Variants in COL19A1 observed in about 807,000 individuals in gnomAD.
COL19A1 encodes collagen type XIX alpha 1 chain.
A neutral mutation model predicts 190.2 loss-of-function variants in COL19A1; 159 were observed. The ratio of observed to expected loss-of-function variants is 0.84; its 90% confidence interval spans 0.73 to 0.95. The LOEUF (loss-of-function observed/expected upper bound fraction) is 0.95. Ranked by LOEUF, COL19A1 falls within the 40% of genes least tolerant of loss-of-function variation. The probability of loss-of-function intolerance (pLI) is 0.00; values close to 1 mark genes in which losing one functional copy is unlikely to be tolerated. For missense variants in COL19A1, 1,418 were observed against 1,431.9 expected, an observed-to-expected ratio of 0.99 and a Z score of 0.16; for synonymous variants, 509 against 458.9, an observed-to-expected ratio of 1.11 and a Z score of -1.39.
chr6:69,877,941 G>A (rs930624187), intron 1 of COL19A1, among the ~76,000 whole-genome samples: 13 of 152,172 alleles, frequency 8.5e-5, no homozygotes, highest in Middle Eastern at 3.4e-3. Flanking sequence ...GACCTGGGAA[G>A]TGGAGGTTGC....
At chr6:69,961,446 A>G (rs758752391) in intron 10 of COL19A1, among the ~76,000 whole-genome samples, 30 of 152,212 alleles carry the variant, frequency 2.0e-4, no homozygotes, top group Non-Finnish European at 4.0e-4. Context: ...GCTGGGAAAT[A>G]GTTTTGGACT....
intron 40 of COL19A1, among the ~76,000 whole-genome samples, chr6:70,170,269 T>C (rs1765418962): frequency 6.6e-6 from 1 of 151,942 alleles, no homozygotes; most frequent in East Asian, 1.9e-4. Context: ...CCACCAGCTG[T>C]CCTGTAGGGA....
intron 11 of COL19A1, among the ~76,000 whole-genome samples, chr6:69,965,514 C>T (rs1040677756): frequency 6.6e-6 from 1 of 152,156 alleles, no homozygotes; most frequent in Non-Finnish European, 1.5e-5. Context: ...CTCCTTAGTC[C>T]TGAGAAAAAC....
chr6:70,132,954 C>T lies in COL19A1; in HGVS notation c.1383+2731C>T, dbSNP rs557355013. Among the ~76,000 whole-genome samples, 11 of 152,304 alleles carry T rather than the reference C, an allele frequency of 7.2e-5. No homozygotes were observed. The East Asian group carries it at 1.9e-3, about 27-fold the overall frequency. On this transcript the variant is annotated intron_variant, in intron 18 of 50. Coordinates refer to ENST00000620364, the MANE Select transcript of COL19A1 (RefSeq NM_001858.6). ...ATTAAAATTAAATAAGAGGAAGTTA[C>T]TCAAAAGCGCAATAACTAAAACACA...
At chr6:70,192,201 C>T (rs1766916762) in intron 48 of COL19A1, among the ~76,000 whole-genome samples, 1 of 152,130 alleles carries the variant, frequency 6.6e-6, no homozygotes, top group Admixed American at 6.5e-5. Context: ...GCTGGGATTA[C>T]AGGCACCCAC....
chr6:70,169,574 T>C (rs1420017999), intron 40 of COL19A1, among the ~76,000 whole-genome samples: 1 of 152,138 alleles, frequency 6.6e-6, no homozygotes, highest in African/African-American at 2.4e-5. Flanking sequence ...TTTAAAGAGA[T>C]GCATTAAAGA....
At chr6:70,130,733 G>T (rs1785470874) in intron 18 of COL19A1, among the ~76,000 whole-genome samples, 1 of 152,262 alleles carries the variant, frequency 6.6e-6, no homozygotes, top group Non-Finnish European at 1.5e-5. Context: ...CTGAGTAGCA[G>T]TTGGCTATAA....
In COL19A1 at chr6:70,034,347, A is replaced by G. The variant is rs754763294; in HGVS notation, c.1134+49A>G. On this transcript the variant is annotated intron_variant, in intron 13 of 50. Coordinates refer to ENST00000620364, the MANE Select transcript of COL19A1 (RefSeq NM_001858.6). Reference sequence around the variant, plus strand: ...CCAACCTTTCTTTAAGAAAACTCTGACAACCTATGCAGTGACTTCTCATTG... The same window carrying G: ...CCAACCTTTCTTTAAGAAAACTCTGGCAACCTATGCAGTGACTTCTCATTG... 8 of 1,405,642 alleles carry G rather than the reference A, an allele frequency of 5.7e-6. No individual in the cohort carries two copies. The South Asian group carries it at 9.2e-5, about 16-fold the overall frequency. The allele number at this position is 1,405,642 out of a possible 1,614,324, so 87.1% of individuals were successfully genotyped here.
intron 18 of COL19A1, among the ~76,000 whole-genome samples, chr6:70,130,634 G>A (rs1452952413): frequency 6.6e-6 from 1 of 152,184 alleles, no homozygotes; most frequent in Non-Finnish European, 1.5e-5. Flanking sequence ...TCTCTGGGAG[G>A]GTGTCCAGCC....
intron 1 of COL19A1, among the ~76,000 whole-genome samples, chr6:69,867,131 C>T (rs1024741948): frequency 3.2e-4 from 47 of 148,550 alleles, no homozygotes; most frequent in Admixed American, 4.0e-4. Flanking sequence ...GCCCTGGAAG[C>T]GAGGCAGCCA....
chr6:69,955,400 C>G (rs1774350637), intron 9 of COL19A1, among the ~76,000 whole-genome samples: 1 of 151,892 alleles, frequency 6.6e-6, no homozygotes, highest in African/African-American at 2.4e-5. Flanking sequence ...AAATAACATC[C>G]CTTTGACAGG....
intron 9 of COL19A1, 24 bp downstream of exon 9, chr6:69,938,124 G>T: frequency 6.2e-7 from 1 of 1,603,950 alleles, no homozygotes; most frequent in Non-Finnish European, 8.5e-7. Flanking sequence ...AAATACTGAT[G>T]GAGAAAACAG....
chr6:69,973,230 C>T (rs1401314137), intron 11 of COL19A1, among the ~76,000 whole-genome samples: 2 of 152,170 alleles, frequency 1.3e-5, no homozygotes. Context: ...GGCTCTGGAG[C>T]TGCCTCAGGT....
chr6:70,161,108 G>C (rs1787772397), intron 34 of COL19A1, among the ~76,000 whole-genome samples: 1 of 152,114 alleles, frequency 6.6e-6, no homozygotes, highest in African/African-American at 2.4e-5. Context: ...CAAATCTAAG[G>C]AGGGGAGGGA....
chr6:69,976,882 C>T (rs1189844574), intron 11 of COL19A1, among the ~76,000 whole-genome samples: 3 of 152,172 alleles, frequency 2.0e-5, no homozygotes, highest in Non-Finnish European at 4.4e-5. Flanking sequence ...TCATGTTTAG[C>T]TCACTCTTCC....
intron 4 of COL19A1, among the ~76,000 whole-genome samples, chr6:69,922,625 C>T (rs757978275): frequency 4.6e-5 from 7 of 151,776 alleles, no homozygotes; most frequent in Middle Eastern, 3.4e-3. Flanking sequence ...GGATTACAGG[C>T]GCGTGCCACC....
At chr6:69,952,173 G>A (rs750944516) in intron 9 of COL19A1, among the ~76,000 whole-genome samples, 8 of 151,788 alleles carry the variant, frequency 5.3e-5, no homozygotes, top group Non-Finnish European at 8.8e-5. Context: ...TATGCATATG[G>A]TTTTTCACCA....
chr6:70,207,362 T>C lies in COL19A1; in HGVS notation c.*88T>C, dbSNP rs1441496339. The C allele has an allele frequency of 2.6e-6, 2 of 767,986 alleles. No homozygotes were observed. Among genetic ancestry groups the C allele is most frequent in the Admixed American group, 8.6e-5 (2 of 23,384 alleles). The allele number at this position is 767,986 out of a possible 1,614,324, so 47.6% of individuals were successfully genotyped here. Reference sequence around the variant, plus strand: ...CGTCAAACCCTCATCATCTGTGGGTTGCTTTTTTTTTTTTTTTTTTTTTTT... The same window carrying C: ...CGTCAAACCCTCATCATCTGTGGGTCGCTTTTTTTTTTTTTTTTTTTTTTT... On this transcript the variant is annotated 3_prime_UTR_variant, in exon 51 of 51. Coordinates refer to ENST00000620364, the MANE Select transcript of COL19A1 (RefSeq NM_001858.6).
Position 70,159,282 on chromosome 6 carries a change from C to T in COL19A1, c.2292+2559C>T, listed in dbSNP as rs142031989. ...TATAATCTCCAGTCATTTAGAGGTG[C>T]CATTATCAATGAAAATTTTTTTACT... is the stretch of plus-strand genomic sequence containing the variant. On this transcript the variant is annotated intron_variant, in intron 34 of 50. Transcript: ENST00000620364. 2.2e-3 allele frequency among the ~76,000 whole-genome samples: 335 copies of T among 151,986 alleles called. 3 individuals are homozygous for T. The highest frequency in any genetic ancestry group is 6.2e-3 in the African/African-American group (257 of 41,474).
Sources: allele counts gnomAD v4.1 joint callset (sites outside exome capture counted in the v4.1 genomes callset), GRCh38; gene constraint gnomAD v4.1.1; transcripts MANE v1.5; gene names NCBI Gene and HGNC (gene_info 2026-07-23, HGNC 2026-07-21).